EFR3B: variants seen among roughly 807,000 people sequenced by gnomAD.
The protein encoded by EFR3B is protein EFR3 homolog B.
EFR3B carries 64 observed loss-of-function variants against 104.7 expected under a neutral mutation model. That is an observed-to-expected ratio of 0.61 (90% CI 0.50 to 0.75). EFR3B has a LOEUF of 0.75. Ranked by LOEUF, EFR3B falls within the 30% of genes least tolerant of loss-of-function variation. EFR3B has a pLI of 0.00. For synonymous variants in EFR3B, 385 were observed against 417.9 expected (o/e 0.92, Z 0.96); for missense variants, 750 against 1,078.5 (o/e 0.70, Z 4.27).
intron 18 of EFR3B, among the ~76,000 whole-genome samples, chr2:25,144,331 T>C (rs1670756356): frequency 6.6e-6 from 1 of 152,084 alleles, no homozygotes; most frequent in South Asian, 2.1e-4. Flanking sequence ...TTGCCTAAGC[T>C]CAAGGGTTCA....
chr2:25,042,474 T>C lies in EFR3B; in HGVS notation c.7+155T>C, dbSNP rs1005078776. 8.3e-6 allele frequency: 10 copies of C among 1,205,618 alleles called. No homozygotes were observed. Among genetic ancestry groups the C allele is most frequent in the South Asian group, 4.3e-5 (1 of 23,398 alleles). 74.7% of individuals were successfully genotyped at this position (1,205,618 alleles called of 1,614,324 possible). ...GTTGCGGTCGCTCTGTGCGCGCGCG[T>C]CTGCGCTGCGAGGACAAAGATGCCT... On this transcript the variant is annotated intron_variant, in intron 1 of 22. Coordinates refer to ENST00000403714, the MANE Select transcript of EFR3B (RefSeq NM_014971.2). This position sits in a 1 kb window ranked among gnomAD's most constrained non-coding sequence, Gnocchi z 5.4.
chr2:25,048,919 C>A (rs1667793082), intron 1 of EFR3B, among the ~76,000 whole-genome samples: 2 of 152,192 alleles, frequency 1.3e-5, no homozygotes, highest in Non-Finnish European at 2.9e-5. Context: ...GGGAGAAAAA[C>A]CCACCCACCC....
intron 1 of EFR3B, among the ~76,000 whole-genome samples, chr2:25,055,230 G>A (rs1363859805): frequency 6.6e-6 from 1 of 152,184 alleles, no homozygotes; most frequent in African/African-American, 2.4e-5. Context: ...ACCACTTTGT[G>A]CCTGATGGCA....
rs1036389332 is a variant in EFR3B, at chr2:25,158,631, G to A, written c.*4291G>A. 1.3e-5 allele frequency: 2 copies of A among 152,406 alleles called. No homozygotes were observed. Among genetic ancestry groups the A allele is most frequent in the African/African-American group, 4.8e-5 (2 of 41,452 alleles). The allele number at this position is 152,406 out of a possible 1,614,324, so 9.4% of individuals were successfully genotyped here. A position where few individuals can be genotyped will look rare whatever the true frequency, so the allele number is the denominator to read the frequency against. ...AGGAAGGGCTTTGTGGCCCTGCTGG[G>A]GCCAAAGGCAGTTTTCTGTGCTCCC... On this transcript the variant is annotated 3_prime_UTR_variant, in exon 23 of 23. Transcript: ENST00000403714.
At chr2:25,095,427 G>A (rs1472903791) in intron 3 of EFR3B, among the ~76,000 whole-genome samples, 1 of 152,140 alleles carries the variant, frequency 6.6e-6, no homozygotes, top group Non-Finnish European at 1.5e-5. Flanking sequence ...CAGGTGCGGT[G>A]GCTCATGCCT....
In EFR3B at chr2:25,103,765, T is replaced by C; in HGVS notation, c.341T>C (p.Leu114Pro). 1 of 1,551,506 alleles carries C rather than the reference T, an allele frequency of 6.4e-7. No homozygotes were observed. The highest frequency in any genetic ancestry group is 8.7e-7 in the Non-Finnish European group (1 of 1,146,912). Residue 114 changes from leucine to proline, a missense_variant, in exon 4 of 23, where the codon CTG (leucine) becomes CCG (proline). Leu to Pro is a moderately conservative substitution (Grantham distance 98, BLOSUM62 -3). Transcript: ENST00000403714. ...CTGCTGGAGTCAGAGAAACCCAACC[T>C]GCAGATCCTCGGCACCAACTCGGTA... ...AKLLESEKPN[L>P]QILGTNSFVK...
rs936338501 is a variant in EFR3B at position 25,042,351 on chromosome 2, C to T, written c.7+32C>T. 4.8e-6 allele frequency: 6 copies of T among 1,256,514 alleles called. No homozygotes were observed. Among genetic ancestry groups the T allele is most frequent in the Admixed American group, 8.5e-5 (2 of 23,440 alleles). The allele number at this position is 1,256,514 out of a possible 1,614,324, so 77.8% of individuals were successfully genotyped here. ...AGGGCTCCGCGCCCGGGCCCGGGCCCGCGGGGGCGACTCCGCAAACTTCCC... is the reference window on the plus strand; with the variant it reads ...AGGGCTCCGCGCCCGGGCCCGGGCCTGCGGGGGCGACTCCGCAAACTTCCC... On this transcript the variant is annotated intron_variant, in intron 1 of 22. Transcript: ENST00000403714. This position sits in a 1 kb window ranked among gnomAD's most constrained non-coding sequence, Gnocchi z 5.4.
intron 1 of EFR3B, among the ~76,000 whole-genome samples, chr2:25,066,984 G>C (rs1668352907): frequency 6.6e-6 from 1 of 152,154 alleles, no homozygotes; most frequent in Non-Finnish European, 1.5e-5. Flanking sequence ...AAGAGAAAAT[G>C]GGAGAAACAA....
At chr2:25,138,557 G>C (rs1670581149) in intron 15 of EFR3B, among the ~76,000 whole-genome samples, 1 of 152,144 alleles carries the variant, frequency 6.6e-6, no homozygotes. Flanking sequence ...AATCCTGCAG[G>C]GCCAGCCTAG....
chr2:25,042,566 G>C lies in EFR3B; in HGVS notation c.7+247G>C, dbSNP rs1242587813. 8.3e-7 allele frequency: 1 copy of C among 1,202,508 alleles called. No homozygotes were observed. Among genetic ancestry groups the C allele is most frequent in the Non-Finnish European group, 1.0e-6 (1 of 969,506 alleles). 74.5% of individuals were successfully genotyped at this position (1,202,508 alleles called of 1,614,324 possible). A position where few individuals can be genotyped will look rare whatever the true frequency, so the allele number is the denominator to read the frequency against. On this transcript the variant is annotated intron_variant, in intron 1 of 22. Coordinates refer to ENST00000403714, the MANE Select transcript of EFR3B (RefSeq NM_014971.2). The surrounding 1 kb of genome is among the most constrained non-coding windows in gnomAD (Gnocchi z 5.4). ...CCGGTGCTGGGCGGTGGTCCTTCGG[G>C]GGGCGGAGGCTCAGGGGAAAGCGGG...
chr2:25,120,299 C>T (rs1169896456), intron 4 of EFR3B, among the ~76,000 whole-genome samples: 4 of 151,080 alleles, frequency 2.6e-5, no homozygotes, highest in South Asian at 2.1e-4. Flanking sequence ...TGCAGTGAGC[C>T]GAGATCATGT....
At chr2:25,080,836 T>C in intron 1 of EFR3B, 1 of 889,380 alleles carries the variant, frequency 1.1e-6, no homozygotes. Context: ...CCATTGGATT[T>C]ATTTCTTATC....
At chr2:25,064,002 C>T (rs1490735858) in intron 1 of EFR3B, among the ~76,000 whole-genome samples, 1 of 152,224 alleles carries the variant, frequency 6.6e-6, no homozygotes, top group Admixed American at 6.5e-5. Flanking sequence ...TGGGTCTTGG[C>T]TCTGATTGGC....
At position 25,130,689 on chromosome 2, in the gene EFR3B, AC is replaced by A. The variant is rs1355829634; in HGVS notation, c.849+60del. 3.4e-6 allele frequency: 5 copies of A among 1,460,132 alleles called. No homozygotes were observed. Among genetic ancestry groups the A allele is most frequent in the Non-Finnish European group, 4.7e-6 (5 of 1,064,292 alleles). 90.4% of individuals were successfully genotyped at this position (1,460,132 alleles called of 1,614,324 possible). On this transcript the variant is annotated intron_variant, in intron 8 of 22. Transcript: ENST00000403714. This position sits in a 1 kb window ranked among gnomAD's most constrained non-coding sequence, Gnocchi z 4.6. ...GGACAAAGGCCTCTCTAGAAGCTAG[AC>A]GGGTGCTAAAATAGAAAGCCAGAAG... is the stretch of plus-strand genomic sequence containing the variant.
intron 3 of EFR3B, among the ~76,000 whole-genome samples, chr2:25,103,411 A>T (rs1018967214): frequency 2.6e-5 from 4 of 152,218 alleles, no homozygotes; most frequent in African/African-American, 7.2e-5. Context: ...GAGGGGCTGG[A>T]TGAGTTGGTC....
chr2:25,127,065 G>A (rs536522747), intron 5 of EFR3B, among the ~76,000 whole-genome samples: 1 of 151,786 alleles, frequency 6.6e-6, no homozygotes, highest in East Asian at 2.0e-4. Context: ...AGTGGCACAT[G>A]CCTGTAATCC....
At chr2:25,119,270 A>C (rs1669950454) in intron 4 of EFR3B, among the ~76,000 whole-genome samples, 1 of 152,158 alleles carries the variant, frequency 6.6e-6, no homozygotes, top group Non-Finnish European at 1.5e-5. Context: ...CAAAGTCCAC[A>C]CCTCCTAATG....
At chr2:25,076,806 C>T (rs766793931) in intron 1 of EFR3B, among the ~76,000 whole-genome samples, 8 of 152,118 alleles carry the variant, frequency 5.3e-5, no homozygotes, top group Non-Finnish European at 8.8e-5. Context: ...CAAGATTGGC[C>T]GGAAACGGGT....
chr2:25,095,533 C>G (rs1411461514), intron 3 of EFR3B, among the ~76,000 whole-genome samples: 1 of 151,868 alleles, frequency 6.6e-6, no homozygotes, highest in Non-Finnish European at 1.5e-5. Flanking sequence ...TCATCTCTAT[C>G]AAAAATACAA....
Sources: gnomAD v4.1 joint callset for allele counts (sites outside exome capture counted in the v4.1 genomes callset) on GRCh38, gnomAD v4.1.1 for gene constraint, Gnocchi (gnomAD v3.1) non-coding constraint, MANE v1.5 for transcripts, NCBI Gene and HGNC (gene_info 2026-07-23, HGNC 2026-07-21) for gene names.